The following NXPE2 variants were observed in gnomAD, a reference collection of about 807,000 sequenced individuals.
NXPE2 encodes neurexophilin and PC-esterase domain family member 2.
In NXPE2, 34 loss-of-function variants were observed where a neutral mutation model predicts 34.4. The ratio of observed to expected loss-of-function variants is 0.99; its 90% CI spans 0.75 to 1.31. NXPE2 has a LOEUF of 1.31. Among genes scored for constraint, NXPE2 ranks in the 40% most tolerant of loss-of-function variants. The probability of loss-of-function intolerance (pLI) is 0.00; values close to 1 mark genes in which losing one functional copy is unlikely to be tolerated. For missense variants in NXPE2, 649 were observed against 672.5 expected, an observed-to-expected ratio of 0.97 and a Z score of 0.39; for synonymous variants, 235 against 231.3, an observed-to-expected ratio of 1.02 and a Z score of -0.15.
At chr11:114,682,419 T>G (rs148251909) in intron 2 of NXPE2, among the ~76,000 whole-genome samples, 1 of 152,152 alleles carries the variant, frequency 6.6e-6, no homozygotes, top group Non-Finnish European at 1.5e-5. Context: ...TTGAATGGCT[T>G]TAATTTCTGG....
chr11:114,513,744 T>C, the NXPE2 span, among the ~76,000 whole-genome samples: 5 of 152,108 alleles, frequency 3.3e-5, no homozygotes, highest in African/African-American at 1.2e-4. Context: ...GATTAAAAAA[T>C]GGTTACAATA....
the NXPE2 span, among the ~76,000 whole-genome samples, chr11:114,661,574 C>A: frequency 1.3e-5 from 2 of 152,160 alleles, no homozygotes; most frequent in Non-Finnish European, 2.9e-5. Flanking sequence ...TTGCTAAGTA[C>A]AAGCATTGTA....
the NXPE2 span, among the ~76,000 whole-genome samples, chr11:114,487,428 A>T: frequency 6.6e-6 from 1 of 152,158 alleles, no homozygotes; most frequent in African/African-American, 2.4e-5. Flanking sequence ...ACAAGCTCAC[A>T]TCATCTGCAA....
chr11:114,521,789 G>T, the NXPE2 span: 4 of 548,104 alleles, frequency 7.3e-6, no homozygotes, highest in Admixed American at 3.5e-5. Context: ...CTTCATGAAT[G>T]ATTCTCTTGG....
At chr11:114,683,628 C>T (rs1057407366) in intron 2 of NXPE2, among the ~76,000 whole-genome samples, 1 of 152,072 alleles carries the variant, frequency 6.6e-6, no homozygotes, top group Non-Finnish European at 1.5e-5. Flanking sequence ...ACCATGTTGG[C>T]CAGGATGGTC....
chr11:114,681,052 A>T (rs1205850114), intron 2 of NXPE2, among the ~76,000 whole-genome samples: 1 of 151,782 alleles, frequency 6.6e-6, no homozygotes, highest in African/African-American at 2.4e-5. Flanking sequence ...TCAAGCTAAA[A>T]CTCCCTCCAC....
At chr11:114,658,016 G>T in the NXPE2 span, among the ~76,000 whole-genome samples, 1 of 152,108 alleles carries the variant, frequency 6.6e-6, no homozygotes, top group South Asian at 2.1e-4. Context: ...TATATTTCCT[G>T]GTCTAAGGAC....
the NXPE2 span, among the ~76,000 whole-genome samples, chr11:114,659,082 G>A: frequency 0.99 from 150,632 of 152,330 alleles, 74,499 homozygotes; most frequent in Middle Eastern, 1. Context: ...GAAACCTCAA[G>A]CACAGCTGGA....
chr11:114,523,028 G>A, the NXPE2 span: 2 of 1,613,624 alleles, frequency 1.2e-6, no homozygotes, highest in Admixed American at 3.3e-5. Flanking sequence ...TCCTTGTAAA[G>A]TATAACCACC....
the NXPE2 span, among the ~76,000 whole-genome samples, chr11:114,770,504 G>A: frequency 7.9e-5 from 12 of 152,222 alleles, no homozygotes; most frequent in Admixed American, 1.3e-4. Flanking sequence ...CTGCTGAAGC[G>A]CATTTAGCAC....
chr11:114,597,961 A>G, the NXPE2 span, among the ~76,000 whole-genome samples: 2 of 152,214 alleles, frequency 1.3e-5, no homozygotes, highest in Non-Finnish European at 2.9e-5. Flanking sequence ...GCATTAACTC[A>G]AAAGTCTGAA....
chr11:114,687,836 A>G (rs751374948), intron 2 of NXPE2, among the ~76,000 whole-genome samples: 7 of 150,720 alleles, frequency 4.6e-5, no homozygotes, highest in Non-Finnish European at 1.0e-4. Flanking sequence ...ATGTATTCCT[A>G]TGTATTTTTT....
Position 114,706,782 on chromosome 11 carries a change from A to G in NXPE2, c.1532A>G (p.Asn511Ser). The change falls in exon 6 of 6, where the codon AAT becomes AGT. Residue 511 changes from asparagine (N) to serine (S), a missense_variant. Coordinates refer to ENST00000389586, the MANE Select transcript of NXPE2 (RefSeq NM_182495.6). Reference sequence around the variant, plus strand: ...AGTGACTTTCATGGCTATATTCAGAATCTTATCATAAGAGATATTTTTGTG... The same window carrying G: ...AGTGACTTTCATGGCTATATTCAGAGTCTTATCATAAGAGATATTTTTGTG... Reference protein sequence around the residue: ...MFSDFHGYIQNLIIRDIFVDL... With the variant: ...MFSDFHGYIQSLIIRDIFVDL... 1 of 1,552,398 alleles carries G rather than the reference A, an allele frequency of 6.4e-7. No homozygotes were observed.
the NXPE2 span, among the ~76,000 whole-genome samples, chr11:114,740,523 T>C: frequency 6.6e-6 from 1 of 152,258 alleles, no homozygotes; most frequent in Middle Eastern, 3.4e-3. Flanking sequence ...CTAGTTTTAA[T>C]TTTTTGAGCA....
chr11:114,546,455 T>A, the NXPE2 span, among the ~76,000 whole-genome samples: 1 of 139,404 alleles, frequency 7.2e-6, no homozygotes, highest in East Asian at 2.1e-4. Context: ...CATACATATA[T>A]ATATTTTTTC....
At chr11:114,464,595 T>G in the NXPE2 span, among the ~76,000 whole-genome samples, 1 of 152,074 alleles carries the variant, frequency 6.6e-6, no homozygotes, top group African/African-American at 2.4e-5. Context: ...AATGAAAATT[T>G]AAAAATATAC....
the NXPE2 span, among the ~76,000 whole-genome samples, chr11:114,491,011 A>C: frequency 1.8e-3 from 258 of 146,460 alleles, no homozygotes; most frequent in African/African-American, 6.4e-3. Flanking sequence ...AAATACAAAA[A>C]ATTAGCCGGG....
chr11:114,783,218 C>G, the NXPE2 span, among the ~76,000 whole-genome samples: 1 of 152,194 alleles, frequency 6.6e-6, no homozygotes, highest in Non-Finnish European at 1.5e-5. Flanking sequence ...GTTCTGTTAT[C>G]CTTTGTGGTT....
At chr11:114,647,843 A>G in the NXPE2 span, among the ~76,000 whole-genome samples, 1 of 152,032 alleles carries the variant, frequency 6.6e-6, no homozygotes, top group Non-Finnish European at 1.5e-5. Flanking sequence ...CTAAGATTAC[A>G]GGTGCCTGCC....
Sources: gnomAD v4.1 joint callset for allele counts (sites outside exome capture counted in the v4.1 genomes callset) on GRCh38, gnomAD v4.1.1 for gene constraint, MANE v1.5 for transcripts, NCBI Gene and HGNC (gene_info 2026-07-23, HGNC 2026-07-21) for gene names.